The following RASGEF1A variants were observed in gnomAD, a reference collection of about 807,000 sequenced individuals.
RASGEF1A encodes ras-GEF domain-containing family member 1A.
A neutral mutation model predicts 56.4 loss-of-function variants in RASGEF1A; 18 were observed. That is an observed-to-expected ratio of 0.32 (90% CI 0.22 to 0.47). RASGEF1A has a LOEUF of 0.47. RASGEF1A is among the 20% of genes least tolerant of loss of function. The pLI, the probability that RASGEF1A is intolerant of heterozygous loss-of-function variation, is 1.00. For missense variants in RASGEF1A, 422 were observed against 627.1 expected (o/e 0.67, Z 3.49); for synonymous variants, 245 against 242.6 (o/e 1.01, Z -0.09).
chr10:43,228,767 C>T (rs12775743), intron 1 of RASGEF1A, among the ~76,000 whole-genome samples: 25,313 of 152,296 alleles, frequency 0.17, 2,373 homozygotes, highest in Admixed American at 0.24. Flanking sequence ...GCTTGTTCCT[C>T]TGCTGTGTGG....
intron 1 of RASGEF1A, among the ~76,000 whole-genome samples, chr10:43,262,765 G>A (rs756026797): frequency 2.6e-5 from 4 of 152,230 alleles, no homozygotes; most frequent in Non-Finnish European, 5.9e-5. Flanking sequence ...GCAGGAGGGA[G>A]ACCCAGCAGA....
rs1459886244 is a variant in RASGEF1A, at chr10:43,199,212, A to C, written c.850-18T>G. Reference sequence around the variant, plus strand: ...TTCACCACCTGGAAGGTGGCAGGTGACCTCAGCATGGCGCTGCCGGGGGAC... The same window carrying C: ...TTCACCACCTGGAAGGTGGCAGGTGCCCTCAGCATGGCGCTGCCGGGGGAC... On this transcript the variant is annotated intron_variant, in intron 7 of 12. Coordinates refer to ENST00000395810, the MANE Select transcript of RASGEF1A (RefSeq NM_145313.4). 3.2e-6 allele frequency: 5 copies of C among 1,584,322 alleles called. No homozygotes were observed. The highest frequency in any genetic ancestry group is 4.3e-6 in the Non-Finnish European group (5 of 1,160,768).
intron 1 of RASGEF1A, among the ~76,000 whole-genome samples, chr10:43,223,962 C>T (rs973598232): frequency 2.6e-5 from 4 of 152,114 alleles, no homozygotes; most frequent in Non-Finnish European, 5.9e-5. Flanking sequence ...AAACAAACAA[C>T]TACCTAAATC....
In RASGEF1A at chr10:43,255,970, TG is replaced by T. The variant is rs1840683428; in HGVS notation, c.-7+10874del. Among the ~76,000 whole-genome samples, 3 of 152,314 alleles carry T rather than the reference TG, an allele frequency of 2.0e-5. No individual in the cohort carries two copies. In the Middle Eastern group the frequency reaches 0.01, roughly 518 times the overall value. On this transcript the variant is annotated intron_variant, in intron 1 of 12. Coordinates refer to ENST00000395810, the MANE Select transcript of RASGEF1A (RefSeq NM_145313.4). ...TCCTTCCTCCCCTGGTTGCCAACAATGCTAAAGCTGCACGCCTGTGATCAGG... is the reference window on the plus strand; with the variant it reads ...TCCTTCCTCCCCTGGTTGCCAACAATCTAAAGCTGCACGCCTGTGATCAGG...
At chr10:43,257,033 T>C (rs566178472) in intron 1 of RASGEF1A, among the ~76,000 whole-genome samples, 123 of 152,256 alleles carry the variant, frequency 8.1e-4, no homozygotes, top group Admixed American at 2.6e-3. Flanking sequence ...GTCTGGGCCA[T>C]GCCTGGCGTG....
At chr10:43,230,143 C>A (rs185264860) in intron 1 of RASGEF1A, among the ~76,000 whole-genome samples, 2 of 152,344 alleles carry the variant, frequency 1.3e-5, no homozygotes, top group Admixed American at 1.3e-4. Flanking sequence ...CCCGGCCTCA[C>A]CTGATCGTAG....
At chr10:43,265,643 G>C (rs868325249) in intron 1 of RASGEF1A, among the ~76,000 whole-genome samples, 7 of 152,258 alleles carry the variant, frequency 4.6e-5, no homozygotes, top group South Asian at 2.1e-4. Context: ...AATGTCCTCA[G>C]AGGTCATCAA....
intron 1 of RASGEF1A, among the ~76,000 whole-genome samples, chr10:43,224,960 G>C (rs1840253915): frequency 6.6e-6 from 1 of 152,214 alleles, no homozygotes; most frequent in South Asian, 2.1e-4. Context: ...CTGCCCATAA[G>C]TCTGTGTGGA....
intron 1 of RASGEF1A, among the ~76,000 whole-genome samples, chr10:43,249,412 C>G (rs2460551): frequency 0.6 from 90,771 of 152,152 alleles, 27,278 homozygotes; most frequent in African/African-American, 0.68. Flanking sequence ...TTCTGAGTCA[C>G]GGTCCTGGGG....
At position 43,199,032 on chromosome 10, in the gene RASGEF1A, G is replaced by T. The variant is rs1395746180; in HGVS notation, c.953-20C>A. On this transcript the variant is annotated intron_variant, in intron 8 of 12. Transcript: ENST00000395810. ...TGCCAGCTGCAGAGGACAGCAGGTA[G>T]GGTCAGGGCCGGGGGGGTGGGCCAT... 1.2e-6 allele frequency: 2 copies of T among 1,611,888 alleles called. No individual in the cohort carries two copies. The highest frequency in any genetic ancestry group is 2.2e-5 in the South Asian group (2 of 91,048).
chr10:43,200,152 C>T lies in RASGEF1A; in HGVS notation c.756+30G>A, dbSNP rs770142367. On this transcript the variant is annotated intron_variant, in intron 6 of 12. Coordinates refer to ENST00000395810, the MANE Select transcript of RASGEF1A (RefSeq NM_145313.4). ...GCAAGTGCTGGGCAGACAGGGCTGG[C>T]AGGGGTGCCACAGGCCTTGGCCCAC... 40 of 1,556,174 alleles carry T rather than the reference C, an allele frequency of 2.6e-5. No individual in the cohort carries two copies. The African/African-American group carries it at 3.9e-4, about 15-fold the overall frequency.
rs765660194 is a variant in RASGEF1A, at chr10:43,258,567, C to T, written c.-7+8278G>A. Reference sequence around the variant, plus strand: ...ACAGCAGGCGGCTGGCCCCTTGGGACGAGGAGAGCAGCTCAGTTTTGGTGG... The same window carrying T: ...ACAGCAGGCGGCTGGCCCCTTGGGATGAGGAGAGCAGCTCAGTTTTGGTGG... On this transcript the variant is annotated intron_variant, in intron 1 of 12. Coordinates refer to ENST00000395810, the MANE Select transcript of RASGEF1A (RefSeq NM_145313.4). 8.5e-5 allele frequency among the ~76,000 whole-genome samples: 13 copies of T among 152,182 alleles called. No homozygotes were observed. The South Asian group carries it at 1.0e-3, about 12-fold the overall frequency.
In RASGEF1A at chr10:43,220,006, G is replaced by A. The variant is rs1268424677; in HGVS notation, c.-6-13884C>T. 2.0e-5 allele frequency among the ~76,000 whole-genome samples: 3 copies of A among 152,286 alleles called. No individual in the cohort carries two copies. The South Asian group carries it at 6.2e-4, about 32-fold the overall frequency. ...GGTCACAGAGCCATGGGCATGCTCA[G>A]TCTGGCAGCCTCTGGGAAACAGCAC... On this transcript the variant is annotated intron_variant, in intron 1 of 12. Coordinates refer to ENST00000395810, the MANE Select transcript of RASGEF1A (RefSeq NM_145313.4).
intron 1 of RASGEF1A, among the ~76,000 whole-genome samples, chr10:43,212,478 A>G (rs1840081748): frequency 6.6e-6 from 1 of 152,094 alleles, no homozygotes; most frequent in Non-Finnish European, 1.5e-5. Context: ...AGAGGCCAGG[A>G]GCCTGCATCC....
chr10:43,200,583 AGCAGGG>A, intron 5 of RASGEF1A, 78 bp downstream of exon 5: 1 of 1,225,838 alleles, frequency 8.2e-7, no homozygotes, highest in African/African-American at 1.5e-5. Context: ...CAGTGTGACT[AGCAGGG>A]GCCTGAAGTG....
intron 1 of RASGEF1A, among the ~76,000 whole-genome samples, chr10:43,218,775 G>A (rs935569045): frequency 8.5e-5 from 13 of 152,396 alleles, no homozygotes; most frequent in African/African-American, 2.2e-4. Flanking sequence ...GAACCAGCAC[G>A]ACAGCGCCTC....
chr10:43,196,371 G>T lies in RASGEF1A; in HGVS notation c.1422-103C>A. Reference sequence around the variant, plus strand: ...AACATGCACCAGGGACCCTGGACCAGGGACGCGGCAGTGCCCAGGCTCCCT... The same window carrying T: ...AACATGCACCAGGGACCCTGGACCATGGACGCGGCAGTGCCCAGGCTCCCT... On this transcript the variant is annotated intron_variant, in intron 12 of 12. Coordinates refer to ENST00000395810, the MANE Select transcript of RASGEF1A (RefSeq NM_145313.4). The surrounding 1 kb of genome is among the most constrained non-coding windows in gnomAD (Gnocchi z 4.6). The T allele has an allele frequency of 6.4e-7, 1 of 1,562,504 alleles. No individual in the cohort carries two copies. Among genetic ancestry groups the T allele is most frequent in the Non-Finnish European group, 8.8e-7 (1 of 1,134,594 alleles).
chr10:43,260,956 G>C (rs548557345), intron 1 of RASGEF1A, among the ~76,000 whole-genome samples: 1 of 152,104 alleles, frequency 6.6e-6, no homozygotes, highest in Non-Finnish European at 1.5e-5. Context: ...CACTTGGCCC[G>C]AATAGCAGCT....
chr10:43,197,434 C>T (rs920841909), intron 10 of RASGEF1A, among the ~76,000 whole-genome samples: 5 of 152,218 alleles, frequency 3.3e-5, no homozygotes, highest in Admixed American at 2.0e-4. Context: ...AGCCCAGCGG[C>T]GCCAACCAGA....
Sources: gnomAD v4.1 joint callset for allele counts (sites outside exome capture counted in the v4.1 genomes callset) on GRCh38, gnomAD v4.1.1 for gene constraint, Gnocchi (gnomAD v3.1) non-coding constraint, MANE v1.5 for transcripts, NCBI Gene and HGNC (gene_info 2026-07-23, HGNC 2026-07-21) for gene names.